ZFHX3: variants seen among roughly 807,000 people sequenced by gnomAD.
The protein encoded by ZFHX3 is zinc finger homeobox protein 3.
Under a neutral mutation model 279.1 loss-of-function variants are expected in ZFHX3, and 42 were observed. That is an observed-to-expected ratio of 0.15 (90% confidence interval 0.12 to 0.19). ZFHX3 has a LOEUF of 0.19. ZFHX3 is among the 10% of genes least tolerant of loss of function. The probability of loss-of-function intolerance (pLI) is 1.00; values close to 1 mark genes in which losing one functional copy is unlikely to be tolerated. For synonymous variants in ZFHX3, 2,293 were observed against 1,957.8 expected (o/e 1.17, Z -4.52); for missense variants, 4,981 against 4,754.0 (o/e 1.05, Z -1.40).
intron 3 of ZFHX3, among the ~76,000 whole-genome samples, chr16:73,353,998 C>T (rs77206187): frequency 0.016 from 2,397 of 152,118 alleles, 24 homozygotes; most frequent in African/African-American, 0.035. Flanking sequence ...AAATCTCACT[C>T]GGAGAGAAGG....
intron 8 of ZFHX3, 149 bp from the exon 9 acceptor site, chr16:72,798,863 G>T (rs942295892): frequency 7.3e-7 from 1 of 1,371,052 alleles, no homozygotes; most frequent in African/African-American, 1.5e-5. Flanking sequence ...AATCTCTGCG[G>T]AGCGCCTCCT....
intron 5 of ZFHX3, among the ~76,000 whole-genome samples, chr16:72,815,731 A>T (rs1039586878): frequency 6.6e-6 from 1 of 152,366 alleles, no homozygotes; most frequent in South Asian, 2.1e-4. Context: ...TAAGCCTGCG[A>T]TGATGTCACA....
chr16:73,616,702 A>T (rs1164730919), intron 2 of ZFHX3, among the ~76,000 whole-genome samples: 1 of 152,148 alleles, frequency 6.6e-6, no homozygotes, highest in Non-Finnish European at 1.5e-5. Flanking sequence ...TGGGAAAAGA[A>T]ATCTTGGATG....
intron 3 of ZFHX3, among the ~76,000 whole-genome samples, chr16:73,347,562 A>T (rs1174663899): frequency 1.3e-5 from 2 of 152,240 alleles, no homozygotes; most frequent in Non-Finnish European, 2.9e-5. Context: ...TGAGAGAGAA[A>T]GTCATTGGTA....
chr16:72,992,080 G>C (rs1252158042), intron 1 of ZFHX3, among the ~76,000 whole-genome samples: 4 of 152,210 alleles, frequency 2.6e-5, no homozygotes, highest in African/African-American at 9.6e-5. Context: ...ACTCTCAGAG[G>C]CTGTCGCCGA....
rs373611380 is a variant in ZFHX3, at chr16:73,222,510, C to A, written c.-1104+34537G>T. ...ATGAAATACCTAGGTATAAAATTAA[C>A]AAAATATGTACAGGATCTAGATGAG... On this transcript the variant is annotated intron_variant, in intron 5 of 17. Coordinates refer to the ZFHX3 transcript ENST00000641206. Among the ~76,000 whole-genome samples, 51 of 152,002 alleles carry A rather than the reference C, an allele frequency of 3.4e-4. No individual in the cohort carries two copies. In the East Asian group the frequency reaches 5.6e-3, roughly 17 times the overall value.
chr16:72,919,209 T>G (rs1487175117), intron 3 of ZFHX3, among the ~76,000 whole-genome samples: 1 of 151,264 alleles, frequency 6.6e-6, no homozygotes, highest in Non-Finnish European at 1.5e-5. Context: ...CAGGCTGGAG[T>G]GTGCAGAGGT....
At chr16:73,113,904 C>T (rs944858098) in intron 7 of ZFHX3, among the ~76,000 whole-genome samples, 1 of 148,224 alleles carries the variant, frequency 6.7e-6, no homozygotes, top group East Asian at 2.0e-4. Flanking sequence ...AAGCCATTCT[C>T]CTGCCTCAGC....
At chr16:73,770,495 C>T (rs1428601063) in intron 1 of ZFHX3, among the ~76,000 whole-genome samples, 4 of 152,188 alleles carry the variant, frequency 2.6e-5, no homozygotes, top group Admixed American at 2.0e-4. Flanking sequence ...GAAAACACCA[C>T]ATTTCTAGGA....
chr16:72,836,708 G>GTA (rs1313499475), intron 4 of ZFHX3, among the ~76,000 whole-genome samples: 1 of 152,046 alleles, frequency 6.6e-6, no homozygotes, highest in East Asian at 1.9e-4. Flanking sequence ...TCTCAGCAGA[G>GTA]TATATACATT....
chr16:73,067,922 T>TA (rs1965776193), intron 8 of ZFHX3, among the ~76,000 whole-genome samples: 1 of 152,034 alleles, frequency 6.6e-6, no homozygotes, highest in African/African-American at 2.4e-5. Flanking sequence ...AGGTTCAATT[T>TA]AGCACCCCTA....
intron 3 of ZFHX3, among the ~76,000 whole-genome samples, chr16:73,451,325 G>C (rs1449061775): frequency 2.0e-5 from 3 of 152,170 alleles, no homozygotes; most frequent in Admixed American, 6.5e-5. Context: ...TAAGAATCGA[G>C]AGCCCCTACG....
At position 72,794,362 on chromosome 16, in the gene ZFHX3, G is replaced by A. The variant is rs374538451; in HGVS notation, c.8320C>T (p.Pro2774Ser). The A allele has an allele frequency of 6.2e-7, 1 of 1,602,786 alleles. No homozygotes were observed. Among genetic ancestry groups the A allele is most frequent in the Non-Finnish European group, 8.5e-7 (1 of 1,174,158 alleles). The change falls in exon 9 of 10, where the codon CCC (proline) becomes TCC (serine). Residue 2774 changes from proline to serine, a missense_variant. Physicochemically the swap from Pro to Ser is moderately conservative, Grantham distance 74 (BLOSUM62 -1). Coordinates refer to ENST00000268489, the MANE Select transcript of ZFHX3 (RefSeq NM_006885.4). The surrounding 1 kb of genome is among the most constrained non-coding windows in gnomAD (Gnocchi z 4.2). ...IFDGTSFSHL[P>S]PSSSDGQGVP... ...CCCTGACCATCACTACTGCTTGGGGGTAGGTGGGAAAAGCTAGTTCCGTCA... is the reference window on the plus strand; with the variant it reads ...CCCTGACCATCACTACTGCTTGGGGATAGGTGGGAAAAGCTAGTTCCGTCA...
At chr16:73,793,013 C>A (rs1013327455) in intron 1 of ZFHX3, among the ~76,000 whole-genome samples, 2 of 152,144 alleles carry the variant, frequency 1.3e-5, no homozygotes, top group Non-Finnish European at 2.9e-5. Flanking sequence ...AAAGATGCTG[C>A]CTTTGTTTGG....
intron 1 of ZFHX3, among the ~76,000 whole-genome samples, chr16:72,969,669 T>C (rs1669890585): frequency 6.6e-6 from 1 of 152,110 alleles, no homozygotes; most frequent in Admixed American, 6.5e-5. Context: ...GCAACCCAGA[T>C]TCCAAGAGAA....
At chr16:72,830,368 T>C (rs1275963134) in intron 4 of ZFHX3, among the ~76,000 whole-genome samples, 2 of 152,208 alleles carry the variant, frequency 1.3e-5, no homozygotes, top group Non-Finnish European at 2.9e-5. Context: ...TGGGAATTGT[T>C]GGAAGTCATG....
At chr16:73,425,307 C>T (rs2017791557) in intron 3 of ZFHX3, among the ~76,000 whole-genome samples, 1 of 152,156 alleles carries the variant, frequency 6.6e-6, no homozygotes, top group South Asian at 2.1e-4. Context: ...TGCAGGTACC[C>T]AGACAGCTCG....
intron 3 of ZFHX3, among the ~76,000 whole-genome samples, chr16:72,899,139 C>G (rs2038970739): frequency 6.6e-6 from 1 of 152,098 alleles, no homozygotes; most frequent in Non-Finnish European, 1.5e-5. Flanking sequence ...TCCAGCTTTC[C>G]CAAATTTAGG....
At chr16:72,951,943 C>A (rs957319002) in intron 2 of ZFHX3, among the ~76,000 whole-genome samples, 3 of 152,226 alleles carry the variant, frequency 2.0e-5, no homozygotes, top group African/African-American at 7.2e-5. Context: ...GATAGTGCAT[C>A]TCTAAAGCAA....
Sources: allele counts gnomAD v4.1 joint callset (sites outside exome capture counted in the v4.1 genomes callset), GRCh38; gene constraint gnomAD v4.1.1; non-coding constraint Gnocchi (gnomAD v3.1); transcripts MANE v1.5; gene names NCBI Gene and HGNC (gene_info 2026-07-23, HGNC 2026-07-21).